ZNF432: variants seen among roughly 807,000 people sequenced by gnomAD.
ZNF432 encodes the protein zinc finger protein 432.
ZNF432 carries 10 observed loss-of-function variants against 13.9 expected under a neutral mutation model. The ratio of observed to expected loss-of-function variants is 0.72; its 90% CI spans 0.44 to 1.22. The LOEUF (loss-of-function observed/expected upper bound fraction) is 1.22. ZNF432 is among the 50% of genes most tolerant of loss of function. The probability of loss-of-function intolerance (pLI) is 0.00; values close to 1 mark genes in which losing one functional copy is unlikely to be tolerated. For missense variants in ZNF432, 793 were observed against 796.2 expected (o/e 1.00, Z 0.05); for synonymous variants, 247 against 256.2 (o/e 0.96, Z 0.34).
intron 2 of ZNF432, among the ~76,000 whole-genome samples, chr19:52,042,526 G>A (rs574467703): frequency 6.6e-6 from 1 of 152,246 alleles, no homozygotes; most frequent in Non-Finnish European, 1.5e-5. Context: ...TCCAGCCTGG[G>A]TGACAGAGTG....
chr19:52,035,895 T>A (rs1265232311), intron 4 of ZNF432, among the ~76,000 whole-genome samples: 3 of 152,202 alleles, frequency 2.0e-5, no homozygotes, highest in Non-Finnish European at 4.4e-5. Context: ...AGCAACTTCA[T>A]GTATACACTT....
chr19:52,039,828 C>CAAAAA (rs562794463), intron 4 of ZNF432, among the ~76,000 whole-genome samples: 53 of 50,734 alleles, frequency 1.0e-3, no homozygotes, highest in Middle Eastern at 9.3e-3. Flanking sequence ...GACTCCATCT[C>CAAAAA]AAAAAAAAAA....
intron 2 of ZNF432, 60 bp from the exon 3 acceptor site, chr19:52,041,666 A>G: frequency 1.9e-6 from 3 of 1,609,884 alleles, no homozygotes; most frequent in Non-Finnish European, 8.5e-7. Flanking sequence ...ACATGAAAAG[A>G]AAGTGAAGGG....
At chr19:52,042,237 A>T (rs1568523375) in intron 2 of ZNF432, among the ~76,000 whole-genome samples, 1 of 152,156 alleles carries the variant, frequency 6.6e-6, no homozygotes, top group Non-Finnish European at 1.5e-5. Flanking sequence ...ATAATTAGTG[A>T]GTTGGAATTC....
chr19:52,035,004 T>A lies in ZNF432; in HGVS notation c.675A>T (p.Arg225Ser). The change falls in exon 5 of 5, where the codon AGA (arginine) becomes AGT (serine). Residue 225 changes from arginine (R) to serine (S), a missense_variant. By Grantham distance (110) the Arg-to-Ser change is moderately radical. Transcript: ENST00000221315. ...VKKSQLTDHE[R>S]VHTGEKPYGC... Reference sequence around the variant, plus strand: ...CATAAGGTTTTTCTCCTGTATGAACTCTCTCATGATCAGTGAGCTGAGACT... The same window carrying A: ...CATAAGGTTTTTCTCCTGTATGAACACTCTCATGATCAGTGAGCTGAGACT... 3 of 1,614,146 alleles carry A rather than the reference T, an allele frequency of 1.9e-6. No homozygotes were observed. The highest frequency in any genetic ancestry group is 2.5e-6 in the Non-Finnish European group (3 of 1,180,016).
Position 52,046,905 on chromosome 19 carries a change from ACT to A in ZNF432, c.-39_-38del. 1 of 1,610,968 alleles carries A rather than the reference ACT, an allele frequency of 6.2e-7. No individual in the cohort carries two copies. Among genetic ancestry groups the A allele is most frequent in the African/African-American group, 1.3e-5 (1 of 74,872 alleles). On this transcript the variant is annotated 5_prime_UTR_variant, in exon 2 of 5. Transcript: ENST00000221315. ...GTGGGAAATGGCCAGCACCTGGGAT[ACT>A]CTGTCTTTGTCTCCTCTGGATCTGC...
Position 52,034,703 on chromosome 19 carries a change from A to T in ZNF432, c.976T>A (p.Phe326Ile), listed in dbSNP as rs1248608077. 6.2e-7 allele frequency: 1 copy of T among 1,613,884 alleles called. No homozygotes were observed. Among genetic ancestry groups the T allele is most frequent in the Admixed American group, 1.7e-5 (1 of 59,988 alleles). Residue 326 changes from phenylalanine (F) to isoleucine (I), a missense_variant, in exon 5 of 5, where the codon TTC becomes ATC. Phe to Ile is a conservative substitution (Grantham distance 21, BLOSUM62 0). Transcript: ENST00000221315. ...ATAATAAGCATGCTCTTCCCAGTGA[A>T]GCCTTTTCCACATTCACTACATATA... ...SYICSECGKG[F>I]TGKSMLIIHQ...
intron 2 of ZNF432, among the ~76,000 whole-genome samples, chr19:52,041,810 T>C (rs1278511232): frequency 1.3e-5 from 2 of 152,214 alleles, no homozygotes; most frequent in Non-Finnish European, 2.9e-5. Context: ...AATTAAGGTT[T>C]TATATCAAAT....
intron 4 of ZNF432, among the ~76,000 whole-genome samples, chr19:52,039,630 G>A (rs549687879): frequency 1.3e-5 from 2 of 151,962 alleles, no homozygotes; most frequent in Non-Finnish European, 2.9e-5. Flanking sequence ...TCAGGAGTAC[G>A]AGACCAAACT....
rs2087059757 is a variant in ZNF432, at chr19:52,034,826, C to G, written c.853G>C (p.Gly285Arg). Residue 285 changes from glycine to arginine, a missense_variant, in exon 5 of 5, where the codon GGA becomes CGA. Physicochemically the swap from Gly to Arg is moderately radical, Grantham distance 125. Transcript: ENST00000221315. ...TCATTGCATATGTAGGGTTTCTCTC[C>G]AGTATGAGTTCGCTGATGTTCAATC... is the stretch of plus-strand genomic sequence containing the variant. The part of the protein sequence containing the change: ...RLIEHQRTHT[G>R]EKPYICNECG... 1.2e-6 allele frequency: 2 copies of G among 1,613,330 alleles called. No homozygotes were observed. Among genetic ancestry groups the G allele is most frequent in the South Asian group, 1.1e-5 (1 of 90,958 alleles).
At chr19:52,046,783 A>G (rs2087187520) in intron 2 of ZNF432, 71 bp downstream of exon 2, 2 of 1,495,540 alleles carry the variant, frequency 1.3e-6, no homozygotes, top group South Asian at 2.4e-5. Flanking sequence ...CTAGATTCTG[A>G]AATGATTTCT....
At chr19:52,040,718 T>C in intron 3 of ZNF432, 135 bp from the exon 4 acceptor site, 1 of 673,730 alleles carries the variant, frequency 1.5e-6, no homozygotes, top group Non-Finnish European at 2.6e-6. Flanking sequence ...AAAGGGCAGA[T>C]TACAGTCAGA....
In ZNF432 at chr19:52,033,352, T is replaced by C. The variant is rs936368260; in HGVS notation, c.*368A>G. The C allele has an allele frequency of 5.2e-6, 1 of 192,886 alleles. No homozygotes were observed. Among genetic ancestry groups the C allele is most frequent in the African/African-American group, 2.4e-5 (1 of 42,462 alleles). 11.9% of individuals were successfully genotyped at this position (192,886 alleles called of 1,614,324 possible). On this transcript the variant is annotated 3_prime_UTR_variant, in exon 5 of 5. Coordinates refer to ENST00000221315, the MANE Select transcript of ZNF432 (RefSeq NM_014650.4). The stretch of plus-strand genomic sequence containing the variant: ...AGTTCACATTACTAACGTGGTTTTC[T>C]CTCTGCATGAATTTGTTTGTATGTA...
At chr19:52,045,829 T>C (rs2123162454) in intron 2 of ZNF432, among the ~76,000 whole-genome samples, 1 of 150,832 alleles carries the variant, frequency 6.6e-6, no homozygotes, top group Non-Finnish European at 1.5e-5. Flanking sequence ...ACCCCATCTC[T>C]ACTAAAAATA....
intron 2 of ZNF432, among the ~76,000 whole-genome samples, chr19:52,043,733 T>A (rs6509617): frequency 6.6e-6 from 1 of 152,218 alleles, no homozygotes; most frequent in East Asian, 1.9e-4. Context: ...GGTGGGACAT[T>A]CGGGCAGCAA....
In ZNF432 at chr19:52,035,330, T is replaced by C; in HGVS notation, c.349A>G (p.Thr117Ala). 6.2e-7 allele frequency: 1 copy of C among 1,612,700 alleles called. No homozygotes were observed. Among genetic ancestry groups the C allele is most frequent in the Admixed American group, 1.7e-5 (1 of 59,744 alleles). ...HNAFGNTASQ[T>A]KSLCLFRENH... ...TCCCTGAAAAGACAAAGGCTTTTGG[T>C]TTGAGAGGCAGTATTTCCAAATGCA... Residue 117 changes from threonine to alanine, a missense_variant, in exon 5 of 5, where the codon ACC becomes GCC. Coordinates refer to ENST00000221315, the MANE Select transcript of ZNF432 (RefSeq NM_014650.4).
intron 1 of ZNF432, chr19:52,047,269 T>A: frequency 4.6e-6 from 1 of 216,542 alleles, no homozygotes; most frequent in Non-Finnish European, 9.1e-6. Flanking sequence ...AAGCAGTAGG[T>A]AATTCTCATA....
chr19:52,047,563 AG>A (rs1410968483), intron 1 of ZNF432, among the ~76,000 whole-genome samples: 5 of 152,018 alleles, frequency 3.3e-5, no homozygotes, highest in Admixed American at 3.3e-4. Flanking sequence ...CTGTAATCCC[AG>A]CTACTCGGAG....
In ZNF432 at chr19:52,034,755, C is replaced by G. The variant is rs766805679; in HGVS notation, c.924G>C (p.Gln308His). The change falls in exon 5 of 5, where the codon CAG (glutamine) becomes CAC (histidine). Residue 308 changes from glutamine (Q) to histidine (H), a missense_variant. By Grantham distance (24) the Gln-to-His change is conservative. Transcript: ENST00000221315. Reference protein sequence around the residue: ...FPGKRNLIVHQRNHTGEKSYI... With the variant: ...FPGKRNLIVHHRNHTGEKSYI... ...AGGATTTCTCTCCAGTATGATTTCG[C>G]TGATGTACAATGAGATTACGCTTGC... The G allele has an allele frequency of 1.2e-6, 2 of 1,612,788 alleles. No homozygotes were observed. The highest frequency in any genetic ancestry group is 3.3e-5 in the Admixed American group (2 of 59,822).
Sources: allele counts gnomAD v4.1 joint callset (sites outside exome capture counted in the v4.1 genomes callset), GRCh38; gene constraint gnomAD v4.1.1; transcripts MANE v1.5; gene names NCBI Gene and HGNC (gene_info 2026-07-23, HGNC 2026-07-21).